ARHGAP15: variants seen among roughly 807,000 people sequenced by gnomAD.
The protein encoded by ARHGAP15 is Rho GTPase activating protein 15.
Under a neutral mutation model 63.7 loss-of-function variants are expected in ARHGAP15, and 51 were observed. The observed-to-expected ratio is 0.80, with a 90% CI of 0.64 to 1.01. The LOEUF is 1.01. Among genes scored for constraint, ARHGAP15 ranks in the 50% least tolerant of loss-of-function variants. The pLI is 0.00. For missense variants in ARHGAP15, 560 were observed against 564.6 expected, an observed-to-expected ratio of 0.99 and a Z score of 0.08; for synonymous variants, 191 against 193.8, an observed-to-expected ratio of 0.99 and a Z score of 0.12.
At chr2:143,201,438 T>C (rs1692113230) in intron 2 of ARHGAP15, among the ~76,000 whole-genome samples, 2 of 152,080 alleles carry the variant, frequency 1.3e-5, no homozygotes, top group African/African-American at 2.4e-5. Context: ...ACGTCTACAA[T>C]GTATAATAAT....
intron 12 of ARHGAP15, chr2:143,682,670 G>C (rs1382696703): frequency 6.6e-6 from 1 of 152,148 alleles, no homozygotes; most frequent in Non-Finnish European, 1.5e-5. Flanking sequence ...TGGTGTTTCA[G>C]TACTTACCAA....
intron 6 of ARHGAP15, among the ~76,000 whole-genome samples, chr2:143,326,531 C>T (rs1684256911): frequency 6.6e-6 from 1 of 152,144 alleles, no homozygotes; most frequent in African/African-American, 2.4e-5. Flanking sequence ...CTTTTAGGAA[C>T]CAGCCTAAAT....
intron 4 of ARHGAP15, among the ~76,000 whole-genome samples, chr2:143,220,506 C>A (rs1004283483): frequency 6.6e-6 from 1 of 152,160 alleles, no homozygotes; most frequent in Non-Finnish European, 1.5e-5. Context: ...CAATAGCACC[C>A]AGCCTTCTTT....
intron 6 of ARHGAP15, among the ~76,000 whole-genome samples, chr2:143,418,361 T>A (rs994380016): frequency 6.6e-6 from 1 of 152,186 alleles, no homozygotes; most frequent in African/African-American, 2.4e-5. Context: ...AAAATTCCAT[T>A]TCAAATACCT....
At chr2:143,610,854 G>A (rs535814174) in intron 11 of ARHGAP15, among the ~76,000 whole-genome samples, 6 of 151,908 alleles carry the variant, frequency 3.9e-5, no homozygotes, top group South Asian at 2.1e-4. Flanking sequence ...TCAGCCTCCC[G>A]AGTAGCTGGG....
intron 11 of ARHGAP15, among the ~76,000 whole-genome samples, chr2:143,603,090 T>C (rs1401131144): frequency 6.6e-6 from 1 of 152,228 alleles, no homozygotes; most frequent in Admixed American, 6.5e-5. Flanking sequence ...ATATTCCTTA[T>C]TGATTTTGCC....
At chr2:143,490,266 C>T (rs1214115551) in intron 9 of ARHGAP15, among the ~76,000 whole-genome samples, 5 of 151,870 alleles carry the variant, frequency 3.3e-5, no homozygotes, top group Admixed American at 2.0e-4. Flanking sequence ...CCCAAAGTGA[C>T]GGGATTACAG....
At chr2:143,259,252 C>T (rs1039652984) in intron 6 of ARHGAP15, among the ~76,000 whole-genome samples, 2 of 152,136 alleles carry the variant, frequency 1.3e-5, no homozygotes, top group African/African-American at 2.4e-5. Context: ...GGAACATTTA[C>T]AACCACAGAT....
chr2:143,388,622 A>G (rs1386842732), intron 6 of ARHGAP15, among the ~76,000 whole-genome samples: 1 of 152,112 alleles, frequency 6.6e-6, no homozygotes, highest in Non-Finnish European at 1.5e-5. Flanking sequence ...CTATACATAC[A>G]TACATACATA....
rs528460451 is a variant in ARHGAP15 at position 143,501,057 on chromosome 2, G to T, written c.826+13562G>T. Among the ~76,000 whole-genome samples the T allele has an allele frequency of 9.2e-5, 14 of 152,288 alleles. No individual in the cohort carries two copies. The South Asian group carries it at 2.1e-3, about 23-fold the overall frequency. On this transcript the variant is annotated intron_variant, in intron 9 of 13. Coordinates refer to ENST00000295095, the MANE Select transcript of ARHGAP15 (RefSeq NM_018460.4). ...GAAAGAAAAGATGGAGCTGAAAGAG[G>T]CCTGGTCTGGGTTAACCTCACAGTA... is the stretch of plus-strand genomic sequence containing the variant.
At chr2:143,726,533 A>C (rs533085935) in intron 13 of ARHGAP15, among the ~76,000 whole-genome samples, 2 of 152,346 alleles carry the variant, frequency 1.3e-5, no homozygotes, top group East Asian at 3.9e-4. Flanking sequence ...ATGTGGTCCA[A>C]GGTTTTGCTT....
chr2:143,416,618 C>T (rs929801848), intron 6 of ARHGAP15, among the ~76,000 whole-genome samples: 5 of 152,046 alleles, frequency 3.3e-5, no homozygotes, highest in African/African-American at 1.2e-4. Context: ...GTTGGTAAGC[C>T]CTTTCTTTTG....
chr2:143,707,420 T>C (rs138786653), intron 13 of ARHGAP15, among the ~76,000 whole-genome samples: 14 of 152,340 alleles, frequency 9.2e-5, no homozygotes, highest in Middle Eastern at 3.4e-3. Flanking sequence ...AGGGTGCTCT[T>C]TTCTCTGTTT....
intron 11 of ARHGAP15, among the ~76,000 whole-genome samples, chr2:143,579,882 T>G (rs1696825278): frequency 6.6e-6 from 1 of 150,436 alleles, no homozygotes; most frequent in African/African-American, 2.4e-5. Context: ...TTTTTTTATT[T>G]TTATTTTTAT....
intron 9 of ARHGAP15, among the ~76,000 whole-genome samples, chr2:143,518,012 GA>G (rs1693895181): frequency 6.6e-6 from 1 of 152,096 alleles, no homozygotes; most frequent in African/African-American, 2.4e-5. Context: ...AGTGAAATGG[GA>G]AGCCCTTGGA....
intron 6 of ARHGAP15, among the ~76,000 whole-genome samples, chr2:143,376,418 G>GATT (rs1686809238): frequency 6.6e-6 from 1 of 152,136 alleles, no homozygotes; most frequent in Non-Finnish European, 1.5e-5. Flanking sequence ...TCAATTCACT[G>GATT]CAGCCTACTC....
At chr2:143,322,845 G>A (rs1294083296) in intron 6 of ARHGAP15, among the ~76,000 whole-genome samples, 1 of 152,182 alleles carries the variant, frequency 6.6e-6, no homozygotes, top group Non-Finnish European at 1.5e-5. Context: ...TAAGGTGAAG[G>A]TTTAATGTTG....
intron 13 of ARHGAP15, among the ~76,000 whole-genome samples, chr2:143,729,375 T>G (rs1337580215): frequency 6.6e-6 from 1 of 152,198 alleles, no homozygotes; most frequent in East Asian, 1.9e-4. Flanking sequence ...TGCTTGACAT[T>G]CAATTTAATA....
intron 9 of ARHGAP15, among the ~76,000 whole-genome samples, chr2:143,494,273 C>T (rs1054819445): frequency 3.8e-4 from 58 of 151,924 alleles, no homozygotes; most frequent in African/African-American, 1.2e-3. Context: ...TGAAAGAATT[C>T]TCAGTTTTGT....
Sources: gnomAD v4.1 joint callset for allele counts (sites outside exome capture counted in the v4.1 genomes callset) on GRCh38, gnomAD v4.1.1 for gene constraint, MANE v1.5 for transcripts, NCBI Gene and HGNC (gene_info 2026-07-23, HGNC 2026-07-21) for gene names.